The following PKD1L1 variants were observed in gnomAD, a reference collection of about 807,000 sequenced individuals.
PKD1L1 encodes the protein polycystin 1 like 1, transient receptor potential channel interacting, also known as polycystin-1-like protein 1.
PKD1L1 carries 236 observed loss-of-function variants against 323.4 expected under a neutral mutation model. The observed-to-expected ratio is 0.73, with a 90% CI of 0.66 to 0.81. PKD1L1 has a LOEUF of 0.81. Among genes scored for constraint, PKD1L1 ranks in the 40% least tolerant of loss-of-function variants. PKD1L1 has a pLI of 0.00. For missense variants in PKD1L1, 3,320 were observed against 3,508.0 expected (o/e 0.95, Z 1.35); for synonymous variants, 1,344 against 1,335.0 (o/e 1.01, Z -0.15).
intron 26 of PKD1L1, among the ~76,000 whole-genome samples, chr7:47,863,237 G>A (rs547248842): frequency 1.3e-4 from 20 of 152,160 alleles, no homozygotes; most frequent in Non-Finnish European, 1.6e-4. Context: ...AGGAACACGG[G>A]GTTGGAAGGG....
At chr7:47,902,297 T>A in intron 13 of PKD1L1, 82 bp downstream of exon 13, 1 of 1,533,936 alleles carries the variant, frequency 6.5e-7, no homozygotes, top group Non-Finnish European at 8.8e-7. Context: ...TGCCCCAAAC[T>A]CTCACCACTC....
chr7:47,855,259 C>G lies in PKD1L1; in HGVS notation c.4597G>C (p.Gly1533Arg). The G allele has an allele frequency of 6.2e-7, 1 of 1,611,786 alleles. No individual in the cohort carries two copies. Among genetic ancestry groups the G allele is most frequent in the South Asian group, 1.1e-5 (1 of 90,858 alleles). Reference protein sequence around the residue: ...PGSQAPGQIGGVVGLNLYTCS... With the variant: ...PGSQAPGQIGRVVGLNLYTCS... ...GTATAGAGGTTGAGGCCCACAACTC[C>G]ACCAATCTTGGGGAACAAAGACCAT... Residue 1533 changes from glycine (G) to arginine (R), a missense_variant, in exon 29 of 57, where the codon GGA (glycine) becomes CGA (arginine). By Grantham distance (125) the Gly-to-Arg change is moderately radical (BLOSUM62 -2). Transcript: ENST00000289672.
intron 31 of PKD1L1, among the ~76,000 whole-genome samples, chr7:47,851,171 A>G (rs1432365157): frequency 6.6e-6 from 1 of 152,188 alleles, no homozygotes; most frequent in East Asian, 1.9e-4. Context: ...TTGTGTTCTA[A>G]TGTCATTTCC....
chr7:47,813,827 C>T (rs1435471890), intron 48 of PKD1L1, 104 bp downstream of exon 48: 3 of 984,450 alleles, frequency 3.0e-6, no homozygotes, highest in African/African-American at 3.2e-5. Flanking sequence ...TACCACTGAA[C>T]TCACAGAGAA....
At chr7:47,819,578 A>G in intron 46 of PKD1L1, 1 of 1,364,992 alleles carries the variant, frequency 7.3e-7, no homozygotes, top group Non-Finnish European at 9.8e-7. Flanking sequence ...GATGGAAATA[A>G]CTGCTGGTTT....
intron 23 of PKD1L1, among the ~76,000 whole-genome samples, 189 bp downstream of exon 23, chr7:47,875,908 A>C (rs954173921): frequency 6.6e-6 from 1 of 152,232 alleles, no homozygotes; most frequent in Admixed American, 6.5e-5. Flanking sequence ...TAAAAAACTG[A>C]TTTAATTTAT....
chr7:47,837,788 G>A (rs767129685), intron 36 of PKD1L1, among the ~76,000 whole-genome samples: 2 of 152,146 alleles, frequency 1.3e-5, no homozygotes, highest in African/African-American at 2.4e-5. Context: ...TAAATAATGC[G>A]TGGGGCTCAA....
intron 32 of PKD1L1, among the ~76,000 whole-genome samples, chr7:47,846,270 C>A (rs1253316859): frequency 1.3e-5 from 2 of 152,122 alleles, no homozygotes; most frequent in African/African-American, 4.8e-5. Context: ...TGATCTGAGC[C>A]TCTTATAGAA....
chr7:47,864,575 CTTTT>C (rs1786106579), intron 26 of PKD1L1, among the ~76,000 whole-genome samples: 5 of 118,584 alleles, frequency 4.2e-5, no homozygotes, highest in South Asian at 2.9e-4. Context: ...CTTTTTCTTT[CTTTT>C]CTTTCTTTCT....
rs1176508141 is a variant in PKD1L1, at chr7:47,840,720, A to G, written c.5446-153T>C. ...TGCCACAGCCTAGAGCCAGGGGATG[A>G]GTGGGCACGTCCAGTCCCAGGCTTC... On this transcript the variant is annotated intron_variant, in intron 34 of 56. Coordinates refer to ENST00000289672, the MANE Select transcript of PKD1L1 (RefSeq NM_138295.5). The surrounding 1 kb of genome is among the most constrained non-coding windows in gnomAD (Gnocchi z 4.1). 6.6e-6 allele frequency among the ~76,000 whole-genome samples: 1 copy of G among 152,242 alleles called. No homozygotes were observed.
chr7:47,856,672 G>A (rs980850829), intron 28 of PKD1L1, among the ~76,000 whole-genome samples: 1 of 152,160 alleles, frequency 6.6e-6, no homozygotes, highest in Admixed American at 6.5e-5. Flanking sequence ...GTGTTTTTAA[G>A]TAATTGCACT....
At position 47,857,610 on chromosome 7, in the gene PKD1L1, C is replaced by G; in HGVS notation, c.4585G>C (p.Gly1529Arg). The G allele has an allele frequency of 6.2e-7, 1 of 1,613,916 alleles. No homozygotes were observed. Among genetic ancestry groups the G allele is most frequent in the Non-Finnish European group, 8.5e-7 (1 of 1,179,888 alleles). Residue 1529 changes from glycine to arginine, a missense_variant, in exon 28 of 57, where the codon GGG becomes CGG. By Grantham distance (125) the Gly-to-Arg change is moderately radical. Coordinates refer to ENST00000289672, the MANE Select transcript of PKD1L1 (RefSeq NM_138295.5). ...GGTCATCTGTCAGCTTGTACCTGCC[C>G]AGGAGCTTGGCTCCCTGGATATGGG... ...KNPYPGSQAPGQIGGVVGLNL... is the reference protein window; with the variant it reads ...KNPYPGSQAPRQIGGVVGLNL...
chr7:47,876,287 A>C, intron 22 of PKD1L1, 70 bp from the exon 23 acceptor site: 2 of 1,536,268 alleles, frequency 1.3e-6, no homozygotes, highest in East Asian at 4.5e-5. Flanking sequence ...CAATACATAC[A>C]CACACAGCTG....
intron 34 of PKD1L1, 141 bp downstream of exon 34, chr7:47,842,821 G>C: frequency 1.3e-6 from 1 of 758,042 alleles, no homozygotes; most frequent in South Asian, 1.9e-5. Context: ...GCAGTGGAAA[G>C]GGCGGGCAAG....
In PKD1L1 at chr7:47,862,883, G is replaced by A. The variant is rs545863821; in HGVS notation, c.4149+2333C>T. Among the ~76,000 whole-genome samples, 12 of 152,292 alleles carry A rather than the reference G, an allele frequency of 7.9e-5. No homozygotes were observed. In the East Asian group the frequency reaches 9.6e-4, roughly 12 times the overall value. On this transcript the variant is annotated intron_variant, in intron 26 of 56. Transcript: ENST00000289672. ...TATTCCACACGCAAGGAGAAGCCAC[G>A]GGGAGTGCTGAGCAGGAGAGTGGCA... is the stretch of plus-strand genomic sequence containing the variant.
chr7:47,799,574 C>T (rs1002221315), intron 54 of PKD1L1, among the ~76,000 whole-genome samples: 1 of 152,182 alleles, frequency 6.6e-6, no homozygotes, highest in Non-Finnish European at 1.5e-5. Flanking sequence ...ACCAATAGCA[C>T]AAGACAATGG....
chr7:47,927,809 A>G (rs1398666738), intron 7 of PKD1L1, among the ~76,000 whole-genome samples: 2 of 152,268 alleles, frequency 1.3e-5, no homozygotes. Context: ...ACTATCAATT[A>G]CAGATGCACA....
intron 56 of PKD1L1, among the ~76,000 whole-genome samples, chr7:47,779,852 C>A (rs1470607273): frequency 6.6e-6 from 1 of 152,134 alleles, no homozygotes; most frequent in African/African-American, 2.4e-5. Context: ...AAAGGATAAA[C>A]CATGGGCTGG....
intron 28 of PKD1L1, among the ~76,000 whole-genome samples, chr7:47,856,718 T>C (rs1303030471): frequency 6.6e-6 from 1 of 152,228 alleles, no homozygotes. Flanking sequence ...ATTTGTGTTT[T>C]TTATTGATTG....
Sources: allele counts gnomAD v4.1 joint callset (sites outside exome capture counted in the v4.1 genomes callset), GRCh38; gene constraint gnomAD v4.1.1; non-coding constraint Gnocchi (gnomAD v3.1); transcripts MANE v1.5; gene names NCBI Gene and HGNC (gene_info 2026-07-23, HGNC 2026-07-21).